EML1: variants seen among roughly 807,000 people sequenced by gnomAD.
The protein encoded by EML1 is echinoderm microtubule-associated protein-like 1.
A neutral mutation model predicts 110.4 loss-of-function variants in EML1; 27 were observed. That is an observed-to-expected ratio of 0.24 (90% confidence interval 0.18 to 0.34). The LOEUF is 0.34. Ranked by LOEUF, EML1 falls within the 10% of genes least tolerant of loss-of-function variation. The pLI, the probability that EML1 is intolerant of heterozygous loss-of-function variation, is 1.00. For synonymous variants in EML1, 344 were observed against 385.8 expected (o/e 0.89, Z 1.27); for missense variants, 741 against 1,030.9 (o/e 0.72, Z 3.85).
At chr14:99,766,191 T>C (rs2057367178) in intron 1 of EML1, among the ~76,000 whole-genome samples, 1 of 139,300 alleles carries the variant, frequency 7.2e-6, no homozygotes, top group Admixed American at 8.1e-5. Flanking sequence ...AATTAAACTT[T>C]TACTTTTTTT....
rs1880707816 is a variant in EML1 at position 99,941,057 on chromosome 14, C to T, written c.*945C>T. On this transcript the variant is annotated 3_prime_UTR_variant, in exon 22 of 22. Transcript: ENST00000262233. ...CTCTCTCGAGCGTACCATAAACCTG[C>T]AGAGAGAAGTCTCGAAAGGCTCCAC... is the stretch of plus-strand genomic sequence containing the variant. 6.6e-6 allele frequency: 1 copy of T among 152,198 alleles called. No individual in the cohort carries two copies. The allele number at this position is 152,198 out of a possible 1,614,324, so 9.4% of individuals were successfully genotyped here. A position where few individuals can be genotyped will look rare whatever the true frequency, so the allele number is the denominator to read the frequency against.
chr14:99,920,247 A>T (rs11160559), intron 16 of EML1, among the ~76,000 whole-genome samples: 2 of 152,084 alleles, frequency 1.3e-5, no homozygotes, highest in South Asian at 2.1e-4. Flanking sequence ...CCTCCACTCC[A>T]ATTTCTCCCA....
intron 15 of EML1, 152 bp downstream of exon 15, chr14:99,914,849 T>C: frequency 1.0e-6 from 1 of 997,822 alleles, no homozygotes; most frequent in Admixed American, 3.4e-5. Flanking sequence ...GCAATTGCAT[T>C]TAACAGTGTT....
intron 9 of EML1, among the ~76,000 whole-genome samples, chr14:99,906,617 C>A (rs2059851454): frequency 6.6e-6 from 1 of 152,154 alleles, no homozygotes; most frequent in African/African-American, 2.4e-5. Flanking sequence ...GTGTCTTGTG[C>A]CAACCTCCTA....
chr14:99,769,707 T>G (rs1417247303), upstream of EML1, among the ~76,000 whole-genome samples: 7 of 152,326 alleles, frequency 4.6e-5, no homozygotes, highest in East Asian at 1.4e-3. Context: ...GGCTTCCAGA[T>G]GTACCTGCCT....
intron 1 of EML1, among the ~76,000 whole-genome samples, chr14:99,826,115 T>TA: frequency 7.0e-6 from 1 of 143,414 alleles, no homozygotes; most frequent in Non-Finnish European, 1.5e-5. Flanking sequence ...ATTTTTTTTT[T>TA]TTTTTTTTTT....
chr14:99,792,691 T>A (rs1178473812), upstream of EML1: 45 of 152,276 alleles, frequency 3.0e-4, 1 homozygote, highest in Admixed American at 2.9e-3. Context: ...AGCGATGTTT[T>A]AGCTGCGTCG....
At chr14:99,770,371 A>ATTTC (rs1002768691), upstream of EML1, among the ~76,000 whole-genome samples, 4 of 87,634 alleles carry the variant, frequency 4.6e-5, no homozygotes, top group African/African-American at 1.5e-4. Context: ...TTTTTAAAAA[A>ATTTC]TTTCTTTCTA....
In EML1 at chr14:99,940,177, CA is replaced by C; in HGVS notation, c.*66del. 1 of 1,402,500 alleles carries C rather than the reference CA, an allele frequency of 7.1e-7. No individual in the cohort carries two copies. Among genetic ancestry groups the C allele is most frequent in the South Asian group, 1.7e-5 (1 of 59,000 alleles). 86.9% of individuals were successfully genotyped at this position (1,402,500 alleles called of 1,614,324 possible). ...GACACAGACTCGCATTACCCTTGGT[CA>C]CTGTGATTTCTGTTTTGTTTAAAAA... On this transcript the variant is annotated 3_prime_UTR_variant, in exon 22 of 22. Transcript: ENST00000262233.
At chr14:99,894,455 A>G in intron 5 of EML1, 174 bp from the exon 6 acceptor site, 1 of 769,782 alleles carries the variant, frequency 1.3e-6, no homozygotes, top group South Asian at 4.5e-5. Context: ...CAAGATGCAA[A>G]CTTTTGTTTC....
intron 1 of EML1, among the ~76,000 whole-genome samples, chr14:99,746,478 C>T (rs1388619457): frequency 6.6e-6 from 1 of 152,148 alleles, no homozygotes; most frequent in Admixed American, 6.5e-5. Context: ...AAGCCCTTTG[C>T]CTCTGGGGAG....
In EML1 at chr14:99,939,098, G is replaced by A. The variant is rs1434236250; in HGVS notation, c.2192-99G>A. 9.9e-6 allele frequency: 15 copies of A among 1,511,812 alleles called. No homozygotes were observed. Among genetic ancestry groups the A allele is most frequent in the South Asian group, 1.3e-5 (1 of 75,318 alleles). The allele number at this position is 1,511,812 out of a possible 1,614,324, so 93.6% of individuals were successfully genotyped here. A position where few individuals can be genotyped will look rare whatever the true frequency, so the allele number is the denominator to read the frequency against. On this transcript the variant is annotated intron_variant, in intron 20 of 21. Transcript: ENST00000262233. The surrounding 1 kb of genome is among the most constrained non-coding windows in gnomAD (Gnocchi z 4.2). Reference sequence around the variant, plus strand: ...CCTTGTTTCTAAAGCTGGACTTCAGGCAGTTTCATGTTCAGGACCGTTCAG... The same window carrying A: ...CCTTGTTTCTAAAGCTGGACTTCAGACAGTTTCATGTTCAGGACCGTTCAG...
intron 1 of EML1, among the ~76,000 whole-genome samples, chr14:99,797,323 C>A (rs2057794162): frequency 6.6e-6 from 1 of 152,200 alleles, no homozygotes; most frequent in Admixed American, 6.5e-5. Flanking sequence ...TGGAGAGATA[C>A]CACACTGTTT....
intron 5 of EML1, among the ~76,000 whole-genome samples, chr14:99,892,937 C>T (rs1310054291): frequency 1.3e-5 from 2 of 152,168 alleles, no homozygotes; most frequent in African/African-American, 2.4e-5. Flanking sequence ...ACTCCAGTCT[C>T]CTGCCCCTCT....
intron 1 of EML1, among the ~76,000 whole-genome samples, chr14:99,844,205 G>A (rs566623041): frequency 6.6e-6 from 1 of 152,304 alleles, no homozygotes; most frequent in African/African-American, 2.4e-5. Context: ...ACCAGGCCAG[G>A]CGCAGTGGCT....
intron 2 of EML1, among the ~76,000 whole-genome samples, chr14:99,862,011 G>T (rs1157705551): frequency 6.6e-6 from 1 of 152,176 alleles, no homozygotes; most frequent in Non-Finnish European, 1.5e-5. Flanking sequence ...AAGCCCTTTT[G>T]GTTCCAGGTT....
intron 17 of EML1, among the ~76,000 whole-genome samples, chr14:99,930,724 TTTGA>T (rs2060352602): frequency 1.3e-5 from 2 of 152,088 alleles, no homozygotes; most frequent in Admixed American, 6.5e-5. Flanking sequence ...AGGATGGAGT[TTTGA>T]TTGAATTAAG....
chr14:99,739,456 T>C (rs2057016120), intron 1 of EML1, among the ~76,000 whole-genome samples: 1 of 152,122 alleles, frequency 6.6e-6, no homozygotes. Flanking sequence ...AGCATGCACG[T>C]GTGTGCGCAG....
At chr14:99,769,803 G>C (rs2057404135), upstream of EML1, among the ~76,000 whole-genome samples, 1 of 152,184 alleles carries the variant, frequency 6.6e-6, no homozygotes, top group Non-Finnish European at 1.5e-5. Flanking sequence ...TGGCTGAGAA[G>C]TGGGCAGCAA....
Sources: allele counts gnomAD v4.1 joint callset (sites outside exome capture counted in the v4.1 genomes callset), GRCh38; gene constraint gnomAD v4.1.1; non-coding constraint Gnocchi (gnomAD v3.1); transcripts MANE v1.5; gene names NCBI Gene and HGNC (gene_info 2026-07-23, HGNC 2026-07-21).